The following GLYATL1 variants were observed in gnomAD, a reference collection of about 807,000 sequenced individuals.
The protein encoded by GLYATL1 is glycine N-acyltransferase-like protein 1.
A neutral mutation model predicts 20.0 loss-of-function variants in GLYATL1; 15 were observed. The ratio of observed to expected loss-of-function variants is 0.75; its 90% confidence interval spans 0.50 to 1.15. The LOEUF is 1.15. Ranked by LOEUF, GLYATL1 falls within the 50% of genes most tolerant of loss-of-function variation. The pLI is 0.00. For synonymous variants in GLYATL1, 151 were observed against 131.5 expected, an observed-to-expected ratio of 1.15 and a Z score of -1.01; for missense variants, 380 against 368.5, an observed-to-expected ratio of 1.03 and a Z score of -0.26.
At chr11:58,933,825 G>T (rs1855706391) in intron 1 of GLYATL1, 1 of 152,360 alleles carries the variant, frequency 6.6e-6, no homozygotes. Flanking sequence ...AGGTGAACTT[G>T]TTGCCAAAGT....
At chr11:58,942,936 C>G (rs985309344) in intron 1 of GLYATL1, among the ~76,000 whole-genome samples, 6 of 152,060 alleles carry the variant, frequency 3.9e-5, no homozygotes, top group Admixed American at 2.6e-4. Context: ...AAAGGATGAT[C>G]TATTAAGATG....
intron 2 of GLYATL1, among the ~76,000 whole-genome samples, chr11:58,944,129 G>A (rs1046234640): frequency 2.0e-5 from 3 of 152,062 alleles, no homozygotes; most frequent in African/African-American, 4.8e-5. Context: ...TACAGAAATG[G>A]CAAAACATTA....
In GLYATL1 at chr11:58,920,169, C is replaced by T. The variant is rs534143751; in HGVS notation, n.264+14508C>T. 5.3e-5 allele frequency among the ~76,000 whole-genome samples: 8 copies of T among 152,186 alleles called. No individual in the cohort carries two copies. The East Asian group carries it at 1.5e-3, about 29-fold the overall frequency. ...TTCTAGTGTTCCTGATTTTTGGTGC[C>T]CTTTGTAGTGCAATACTGCCACCTG... On this transcript the variant is annotated intron_variant and non_coding_transcript_variant, in intron 1 of 2. Transcript: ENST00000534674.
chr11:58,936,585 G>T (rs549707354), upstream of GLYATL1, among the ~76,000 whole-genome samples: 3 of 152,316 alleles, frequency 2.0e-5, no homozygotes, highest in African/African-American at 7.2e-5. Context: ...CATTAGCAGG[G>T]ACTAAGCAAA....
chr11:58,947,260 A>G, intron 3 of GLYATL1, 95 bp downstream of exon 3: 2 of 1,481,568 alleles, frequency 1.3e-6, no homozygotes, highest in Non-Finnish European at 1.8e-6. Context: ...GACTGTTTGC[A>G]GAGGGTTGGA....
In GLYATL1 at chr11:58,954,863, A is replaced by G; in HGVS notation, c.280A>G (p.Ile94Val). Residue 94 changes from isoleucine to valine, a missense_variant, in exon 5 of 7, where the codon ATC becomes GTC. By Grantham distance (29) the Ile-to-Val change is conservative. Coordinates refer to ENST00000532726, the MANE Select transcript of GLYATL1 (RefSeq NM_001389712.2). ...AGAAGAAGTTTTGAAAAATTGTGAG[A>G]TCGTAAACTGGAAACAGAGACTCCA... ...KSEEVLKNCE[I>V]VNWKQRLQIQ... 6.2e-7 allele frequency: 1 copy of G among 1,613,464 alleles called. No individual in the cohort carries two copies. Among genetic ancestry groups the G allele is most frequent in the South Asian group, 1.1e-5 (1 of 90,878 alleles).
At chr11:58,933,024 T>A (rs1382084756) in intron 1 of GLYATL1, among the ~76,000 whole-genome samples, 1 of 152,158 alleles carries the variant, frequency 6.6e-6, no homozygotes, top group Non-Finnish European at 1.5e-5. Context: ...AAACACAGTG[T>A]ATAAGAGGTA....
chr11:58,948,292 A>G (rs2135231545), intron 4 of GLYATL1, among the ~76,000 whole-genome samples: 1 of 152,296 alleles, frequency 6.6e-6, no homozygotes, highest in East Asian at 1.9e-4. Flanking sequence ...GGTGTCTGAG[A>G]TATTAGAACA....
upstream of GLYATL1, chr11:58,935,543 G>A (rs1855795016): frequency 6.6e-6 from 1 of 152,154 alleles, no homozygotes; most frequent in Admixed American, 6.5e-5. Flanking sequence ...GTATTTTCAT[G>A]CATAGATAGT....
At chr11:58,915,073 C>T (rs1855139111) in intron 1 of GLYATL1, among the ~76,000 whole-genome samples, 1 of 152,206 alleles carries the variant, frequency 6.6e-6, no homozygotes, top group Non-Finnish European at 1.5e-5. Flanking sequence ...TATTATTCCT[C>T]AGTCATTTCT....
At chr11:58,937,532 C>T (rs569389370), upstream of GLYATL1, among the ~76,000 whole-genome samples, 58 of 152,312 alleles carry the variant, frequency 3.8e-4, no homozygotes, top group Non-Finnish European at 6.5e-4. Flanking sequence ...AAGAGATGTA[C>T]AAGCATCTAG....
intron 4 of GLYATL1, among the ~76,000 whole-genome samples, chr11:58,949,948 A>ACCTCCCCTCCCCT (rs1554987789): frequency 2.0e-5 from 3 of 149,456 alleles, no homozygotes; most frequent in Non-Finnish European, 4.5e-5. Context: ...ATAACCTCTT[A>ACCTCCCCTCCCCT]CCTCCCCTCC....
At chr11:58,952,250 T>A (rs187184273) in intron 4 of GLYATL1, among the ~76,000 whole-genome samples, 1 of 152,328 alleles carries the variant, frequency 6.6e-6, no homozygotes, top group Admixed American at 6.5e-5. Context: ...TATACACTCA[T>A]GTAATTTTTT....
intron 1 of GLYATL1, chr11:58,933,922 A>G (rs1010111809): frequency 8.5e-5 from 13 of 152,472 alleles, no homozygotes; most frequent in African/African-American, 3.1e-4. Flanking sequence ...GCCTGGATCA[A>G]CTGGGGTGGA....
chr11:58,909,732 T>C (rs1258041690), downstream of GLYATL1, among the ~76,000 whole-genome samples: 1 of 152,160 alleles, frequency 6.6e-6, no homozygotes, highest in Non-Finnish European at 1.5e-5. Flanking sequence ...TAAGGTAGTG[T>C]GGTGCCAAGA....
chr11:58,921,895 C>T (rs960585491), intron 1 of GLYATL1, among the ~76,000 whole-genome samples: 13 of 152,308 alleles, frequency 8.5e-5, no homozygotes, highest in African/African-American at 2.2e-4. Context: ...ATTCACCACG[C>T]GCTGATTTTC....
At chr11:58,910,418 A>C (rs1375951502), downstream of GLYATL1, among the ~76,000 whole-genome samples, 1 of 152,216 alleles carries the variant, frequency 6.6e-6, no homozygotes, top group East Asian at 1.9e-4. Flanking sequence ...TATTTAAATT[A>C]AACTTAACTA....
At chr11:58,939,413 G>A (rs1379741945), upstream of GLYATL1, 1 of 152,234 alleles carries the variant, frequency 6.6e-6, no homozygotes, top group African/African-American at 2.4e-5. Flanking sequence ...TCTGTGTGGT[G>A]AGCTGCAGGA....
rs1046683433 is a variant in GLYATL1 at position 58,948,045 on chromosome 11, G to A, written c.186+80G>A. 81 of 869,726 alleles carry A rather than the reference G, an allele frequency of 9.3e-5. 1 individual carries two copies. The highest frequency in any genetic ancestry group is 1.5e-4 in the Non-Finnish European group (77 of 509,980). 53.9% of individuals were successfully genotyped at this position (869,726 alleles called of 1,614,324 possible). On this transcript the variant is annotated intron_variant, in intron 4 of 6. Transcript: ENST00000532726. The stretch of plus-strand genomic sequence containing the variant: ...ACTGACCAGTTCAGACACCATGGCT[G>A]CTTTTATAGGGTGAAAGGAAACGTG...
Sources: allele counts gnomAD v4.1 joint callset (sites outside exome capture counted in the v4.1 genomes callset), GRCh38; gene constraint gnomAD v4.1.1; transcripts MANE v1.5; gene names NCBI Gene and HGNC (gene_info 2026-07-23, HGNC 2026-07-21).